PAQR3: variants seen among roughly 807,000 people sequenced by gnomAD.
PAQR3 encodes the protein progestin and adipoQ receptor family member 3.
PAQR3 carries 39 observed loss-of-function variants against 41.7 expected under a neutral mutation model. That is an observed-to-expected ratio of 0.93 (90% CI 0.72 to 1.22). The LOEUF (loss-of-function observed/expected upper bound fraction) is 1.22. PAQR3 is among the 50% of genes most tolerant of loss of function. The pLI, the probability that PAQR3 is intolerant of heterozygous loss-of-function variation, is 0.00. For synonymous variants in PAQR3, 140 were observed against 140.6 expected, an observed-to-expected ratio of 1.00 and a Z score of 0.03; for missense variants, 366 against 385.6, an observed-to-expected ratio of 0.95 and a Z score of 0.42.
chr4:78,907,874 G>C (rs62307994), downstream of PAQR3, among the ~76,000 whole-genome samples: 11,196 of 152,186 alleles, frequency 0.074, 579 homozygotes, highest in East Asian at 0.22. Context: ...TGTTGTGGCT[G>C]TGGGTGGGTA....
intron 10 of PAQR3, among the ~76,000 whole-genome samples, chr4:78,906,469 T>G (rs150309472): frequency 0.01 from 1,578 of 152,302 alleles, 11 homozygotes; most frequent in Non-Finnish European, 0.017. Flanking sequence ...TATAGATGAT[T>G]GTGTCTTTTC....
intron 11 of PAQR3, among the ~76,000 whole-genome samples, chr4:78,900,644 T>A (rs777938072): frequency 6.6e-6 from 1 of 152,232 alleles, no homozygotes; most frequent in African/African-American, 2.4e-5. Flanking sequence ...TCTTTCTGAT[T>A]TATTTGTTGC....
At chr4:78,891,955 T>G (rs1733462252) in intron 11 of PAQR3, among the ~76,000 whole-genome samples, 1 of 152,214 alleles carries the variant, frequency 6.6e-6, no homozygotes, top group African/African-American at 2.4e-5. Context: ...ACTGAATTTC[T>G]TGGAAACAAC....
intron 11 of PAQR3, among the ~76,000 whole-genome samples, chr4:78,894,290 C>G (rs1409469054): frequency 2.6e-5 from 4 of 152,304 alleles, no homozygotes; most frequent in Middle Eastern, 3.4e-3. Flanking sequence ...AACTATAGCT[C>G]TAAAAGTCCT....
chr4:78,929,745 A>G (rs1386935675), intron 3 of PAQR3, among the ~76,000 whole-genome samples: 2 of 151,992 alleles, frequency 1.3e-5, no homozygotes, highest in African/African-American at 2.4e-5. Context: ...ATTTTCCTGT[A>G]TTTTTTTTCA....
chr4:78,888,017 C>T (rs1314364387), intron 12 of PAQR3: 1 of 152,202 alleles, frequency 6.6e-6, no homozygotes, highest in Non-Finnish European at 1.5e-5. Flanking sequence ...ACATATGTAA[C>T]ACCATTTGAA....
intron 11 of PAQR3, among the ~76,000 whole-genome samples, chr4:78,897,666 T>C (rs1733775107): frequency 6.6e-6 from 1 of 152,212 alleles, no homozygotes; most frequent in Non-Finnish European, 1.5e-5. Flanking sequence ...TTTATAGCGC[T>C]AAGTATCCTA....
Position 78,919,245 on chromosome 4 carries a change from G to C in PAQR3, c.*1294C>G. On this transcript the variant is annotated 3_prime_UTR_variant, in exon 6 of 6. Transcript: ENST00000512733. Reference sequence around the variant, plus strand: ...ATTTTACTGTTCTGAAAATACACCAGTATTTAAAACAGCTCATGTCAACTC... The same window carrying C: ...ATTTTACTGTTCTGAAAATACACCACTATTTAAAACAGCTCATGTCAACTC... 2.0e-6 allele frequency: 2 copies of C among 984,166 alleles called. No individual in the cohort carries two copies. The highest frequency in any genetic ancestry group is 2.4e-6 in the Non-Finnish European group (2 of 829,020). 61.0% of individuals were successfully genotyped at this position (984,166 alleles called of 1,614,324 possible).
At chr4:78,898,289 T>C (rs1349100880) in intron 11 of PAQR3, among the ~76,000 whole-genome samples, 2 of 152,078 alleles carry the variant, frequency 1.3e-5, no homozygotes, top group African/African-American at 4.8e-5. Flanking sequence ...TTACATTACA[T>C]AGAGCAAATA....
chr4:78,937,833 C>A (rs556990928), intron 1 of PAQR3, among the ~76,000 whole-genome samples: 2 of 152,298 alleles, frequency 1.3e-5, no homozygotes, highest in African/African-American at 4.8e-5. Context: ...CGCAGAAGAC[C>A]ACTGCTAGTT....
intron 3 of PAQR3, among the ~76,000 whole-genome samples, chr4:78,929,210 T>C (rs1736565322): frequency 6.6e-6 from 1 of 152,208 alleles, no homozygotes; most frequent in Non-Finnish European, 1.5e-5. Flanking sequence ...ACAGGCTCTA[T>C]TCTTTGTAAC....
rs1736737106 is a variant in PAQR3 at position 78,930,419 on chromosome 4, C to G, written c.349-94G>C. On this transcript the variant is annotated intron_variant, in intron 2 of 5. Transcript: ENST00000512733. ...GGAAGTAGTTAAGAGGCTAGGCTTT[C>G]AATTCAAACATTTATGGGCTTGGAT... 7.9e-6 allele frequency: 10 copies of G among 1,272,040 alleles called. No homozygotes were observed. The South Asian group carries it at 1.5e-4, about 19-fold the overall frequency. 78.8% of individuals were successfully genotyped at this position (1,272,040 alleles called of 1,614,324 possible). A position where few individuals can be genotyped will look rare whatever the true frequency, so the allele number is the denominator to read the frequency against.
chr4:78,920,711 T>C lies in PAQR3; in HGVS notation c.794-30A>G. On this transcript the variant is annotated intron_variant, in intron 5 of 5. Transcript: ENST00000512733. ...AAAGAAGGTAGAAAGAAAATGATAA[T>C]GATTTCAATATGTTGACATTAAAGG... 11 of 1,588,230 alleles carry C rather than the reference T, an allele frequency of 6.9e-6. No homozygotes were observed. In the South Asian group the frequency reaches 1.3e-4, roughly 18 times the overall value.
At chr4:78,898,181 G>T (rs1733803656) in intron 11 of PAQR3, among the ~76,000 whole-genome samples, 1 of 152,130 alleles carries the variant, frequency 6.6e-6, no homozygotes, top group African/African-American at 2.4e-5. Context: ...GCAGTATTAG[G>T]TTTGGTAAAC....
chr4:78,927,905 G>T (rs1448631934), intron 3 of PAQR3, among the ~76,000 whole-genome samples: 1 of 152,188 alleles, frequency 6.6e-6, no homozygotes, highest in Non-Finnish European at 1.5e-5. Context: ...TGGATCTAGG[G>T]TCCACAGTTT....
At chr4:78,923,983 T>C (rs757736391) in intron 4 of PAQR3, 36 bp from the exon 5 acceptor site, 3 of 1,401,426 alleles carry the variant, frequency 2.1e-6, no homozygotes, top group Admixed American at 3.4e-5. Flanking sequence ...CAGATCTTCC[T>C]ACTGTTACTG....
At chr4:78,933,827 A>G (rs1333145702) in intron 2 of PAQR3, among the ~76,000 whole-genome samples, 4 of 152,218 alleles carry the variant, frequency 2.6e-5, no homozygotes, top group Non-Finnish European at 5.9e-5. Flanking sequence ...CTGAACTAAC[A>G]TCAGCTGTGG....
At chr4:78,887,086 A>C, downstream of PAQR3, 1 of 925,682 alleles carries the variant, frequency 1.1e-6, no homozygotes, top group Non-Finnish European at 1.6e-6. Context: ...TTTAATTTTC[A>C]CTTTTATTTA....
intron 3 of PAQR3, among the ~76,000 whole-genome samples, chr4:78,927,301 A>G (rs1736339874): frequency 6.6e-6 from 1 of 152,208 alleles, no homozygotes; most frequent in South Asian, 2.1e-4. Flanking sequence ...AATGTTTTGA[A>G]CTTTACCACA....
Sources: allele counts gnomAD v4.1 joint callset (sites outside exome capture counted in the v4.1 genomes callset), GRCh38; gene constraint gnomAD v4.1.1; transcripts MANE v1.5; gene names NCBI Gene and HGNC (gene_info 2026-07-23, HGNC 2026-07-21).